Variants in MRGPRX3 observed in about 807,000 individuals in gnomAD.
MRGPRX3 encodes the protein MAS related GPR family member X3, also known as mas-related G protein-coupled receptor member X3.
MRGPRX3 carries 14 observed loss-of-function variants against 16.5 expected under a neutral mutation model. That is an observed-to-expected ratio of 0.85 (90% confidence interval 0.56 to 1.33). The LOEUF (loss-of-function observed/expected upper bound fraction) is 1.33, where lower values mean the gene tolerates loss of function less well. MRGPRX3 is among the 40% of genes most tolerant of loss of function. MRGPRX3 has a pLI of 0.00. For synonymous variants in MRGPRX3, 199 were observed against 180.1 expected, an observed-to-expected ratio of 1.10 and a Z score of -0.84; for missense variants, 449 against 413.0, an observed-to-expected ratio of 1.09 and a Z score of -0.76.
chr11:18,129,348 A>C (rs1452225162), upstream of MRGPRX3, among the ~76,000 whole-genome samples: 4 of 152,234 alleles, frequency 2.6e-5, no homozygotes, highest in African/African-American at 2.4e-5. Flanking sequence ...GGAATGAAAC[A>C]AGAGATATTA....
intron 1 of MRGPRX3, among the ~76,000 whole-genome samples, chr11:18,133,928 G>A (rs1217832604): frequency 1.3e-5 from 2 of 152,126 alleles, no homozygotes; most frequent in African/African-American, 4.8e-5. Flanking sequence ...CCACTGATGT[G>A]GTACATAGAA....
At chr11:18,130,634 A>G (rs1848951556), upstream of MRGPRX3, among the ~76,000 whole-genome samples, 1 of 151,476 alleles carries the variant, frequency 6.6e-6, no homozygotes, top group African/African-American at 2.4e-5. Flanking sequence ...CCACCAAAAT[A>G]TCATCATCAT....
upstream of MRGPRX3, among the ~76,000 whole-genome samples, chr11:18,132,206 T>TCTG (rs1338491468): frequency 6.6e-6 from 1 of 152,226 alleles, no homozygotes; most frequent in Admixed American, 6.5e-5. Context: ...CATACACTTC[T>TCTG]CTGGCATTTG....
intron 1 of MRGPRX3, among the ~76,000 whole-genome samples, chr11:18,123,630 C>T (rs1181433868): frequency 6.6e-6 from 1 of 152,132 alleles, no homozygotes; most frequent in Non-Finnish European, 1.5e-5. Context: ...GTGATGCCTC[C>T]AGCTTTGTTC....
chr11:18,121,639 A>G (rs1182863575), intron 1 of MRGPRX3, among the ~76,000 whole-genome samples: 3 of 152,232 alleles, frequency 2.0e-5, no homozygotes. Context: ...GAGACTTTTC[A>G]TTTTGTTCTG....
rs1303752924 is a variant in MRGPRX3, at chr11:18,124,223, A to G, written c.-152+3059A>G. The stretch of plus-strand genomic sequence containing the variant: ...TGCCCTAGCCAGAACTTCCAACACT[A>G]TGTTGAATAGGAGTGGTGAGAGAGG... On this transcript the variant is annotated intron_variant, in intron 1 of 2. Transcript: ENST00000396275. Among the ~76,000 whole-genome samples, 6 of 152,206 alleles carry G rather than the reference A, an allele frequency of 3.9e-5. No individual in the cohort carries two copies. In the East Asian group the frequency reaches 5.8e-4, roughly 15 times the overall value.
intron 1 of MRGPRX3, among the ~76,000 whole-genome samples, chr11:18,126,826 G>GT (rs1848902194): frequency 6.6e-6 from 1 of 152,068 alleles, no homozygotes; most frequent in Admixed American, 6.6e-5. Context: ...TGAACTCATC[G>GT]TTTTTTATGG....
At chr11:18,121,452 T>C (rs1197687901) in intron 1 of MRGPRX3, among the ~76,000 whole-genome samples, 2 of 147,014 alleles carry the variant, frequency 1.4e-5, no homozygotes, top group Admixed American at 6.7e-5. Flanking sequence ...GGGAGGGAGG[T>C]GGGGGGGTTA....
At position 18,137,608 on chromosome 11, in the gene MRGPRX3, A is replaced by G. The variant is rs765687370; in HGVS notation, c.406A>G (p.Arg136Gly). Reference protein sequence around the residue: ...WPIWYHCRRPRYLSSVMCVLL... With the variant: ...WPIWYHCRRPGYLSSVMCVLL... ...CATCTGGTACCACTGCCGCCGCCCCAGATACCTGTCATCAGTCATGTGTGT... is the reference window on the plus strand; with the variant it reads ...CATCTGGTACCACTGCCGCCGCCCCGGATACCTGTCATCAGTCATGTGTGT... Residue 136 changes from arginine to glycine, a missense_variant, in exon 2 of 2, where the codon AGA becomes GGA. Coordinates refer to ENST00000621697, the MANE Select transcript of MRGPRX3 (RefSeq NM_001370464.1). 7.4e-6 allele frequency: 12 copies of G among 1,614,050 alleles called. No individual in the cohort carries two copies. In the South Asian group the frequency reaches 9.9e-5, roughly 13 times the overall value.
At chr11:18,129,365 A>G (rs1848936981), upstream of MRGPRX3, among the ~76,000 whole-genome samples, 1 of 152,232 alleles carries the variant, frequency 6.6e-6, no homozygotes, top group African/African-American at 2.4e-5. Flanking sequence ...ATTACAACCA[A>G]TGCTATAGAA....
At position 18,123,484 on chromosome 11, in the gene MRGPRX3, T is replaced by G. The variant is rs765272488; in HGVS notation, c.-152+2320T>G. On this transcript the variant is annotated intron_variant, in intron 1 of 2. Coordinates refer to the MRGPRX3 transcript ENST00000396275. The stretch of plus-strand genomic sequence containing the variant: ...GCTTGTTTTTGTCAGGTTTGTCAAA[T>G]ATCAGATAGTCGTAGATATGTGGCA... Among the ~76,000 whole-genome samples, 496 of 152,258 alleles carry G rather than the reference T, an allele frequency of 3.3e-3. 3 individuals carry two copies. Among genetic ancestry groups the G allele is most frequent in the Middle Eastern group, 6.8e-3 (2 of 294 alleles).
At chr11:18,123,817 T>C (rs1848863991) in intron 1 of MRGPRX3, among the ~76,000 whole-genome samples, 1 of 152,244 alleles carries the variant, frequency 6.6e-6, no homozygotes, top group Non-Finnish European at 1.5e-5. Context: ...TTCCTACCCA[T>C]GAGCATGGAA....
At chr11:18,127,783 T>A (rs183328811), upstream of MRGPRX3, among the ~76,000 whole-genome samples, 1 of 152,338 alleles carries the variant, frequency 6.6e-6, no homozygotes, top group East Asian at 1.9e-4. Flanking sequence ...TCAAAGTCAT[T>A]CTCCGTCCAG....
At chr11:18,123,749 A>T (rs1453173579) in intron 1 of MRGPRX3, among the ~76,000 whole-genome samples, 1 of 152,098 alleles carries the variant, frequency 6.6e-6, no homozygotes, top group Non-Finnish European at 1.5e-5. Context: ...CTTGATGGGG[A>T]TGGCATTGAA....
chr11:18,135,808 T>C (rs983456381), intron 1 of MRGPRX3, among the ~76,000 whole-genome samples: 3 of 152,198 alleles, frequency 2.0e-5, no homozygotes, highest in African/African-American at 7.2e-5. Context: ...AAATGGATCA[T>C]GAGTCAGCCC....
At chr11:18,130,731 G>A (rs1232497516), upstream of MRGPRX3, among the ~76,000 whole-genome samples, 1 of 134,330 alleles carries the variant, frequency 7.4e-6, no homozygotes, top group Admixed American at 7.4e-5. Flanking sequence ...GCCAAAGCAA[G>A]ACTTAGCAAA....
At chr11:18,137,107 C>T in intron 1 of MRGPRX3, 71 bp from the exon 2 acceptor site, 1 of 1,441,804 alleles carries the variant, frequency 6.9e-7, no homozygotes, top group Non-Finnish European at 9.4e-7. Flanking sequence ...GACAGTAAAT[C>T]CCACATGGCA....
Position 18,138,321 on chromosome 11 carries a change from G to T in MRGPRX3, c.*150G>T, listed in dbSNP as rs1450233946. The T allele has an allele frequency of 3.8e-5, 49 of 1,276,908 alleles. No individual in the cohort carries two copies. The East Asian group carries it at 1.1e-3, about 30-fold the overall frequency. 79.1% of individuals were successfully genotyped at this position (1,276,908 alleles called of 1,614,324 possible). ...GAATAGATGTTTATCTAACCTGACA[G>T]TTGCAGTTTTCACCCATGGAAAGCA... On this transcript the variant is annotated 3_prime_UTR_variant, in exon 2 of 2. Coordinates refer to ENST00000621697, the MANE Select transcript of MRGPRX3 (RefSeq NM_001370464.1).
At chr11:18,130,963 A>T (rs899608807), upstream of MRGPRX3, among the ~76,000 whole-genome samples, 2 of 152,184 alleles carry the variant, frequency 1.3e-5, no homozygotes, top group Non-Finnish European at 2.9e-5. Flanking sequence ...AATGGTGCTG[A>T]GATTATTGGC....
Sources: gnomAD v4.1 joint callset for allele counts (sites outside exome capture counted in the v4.1 genomes callset) on GRCh38, gnomAD v4.1.1 for gene constraint, MANE v1.5 for transcripts, NCBI Gene and HGNC (gene_info 2026-07-23, HGNC 2026-07-21) for gene names.